The following PEAR1 variants were observed in gnomAD, a reference collection of about 807,000 sequenced individuals.
The protein encoded by PEAR1 is platelet endothelial aggregation receptor 1, also known as multiple EGF-like domains protein 12.
PEAR1 carries 113 observed loss-of-function variants against 131.2 expected under a neutral mutation model. That is an observed-to-expected ratio of 0.86 (90% CI 0.74 to 1.01). The LOEUF is 1.01. Ranked by LOEUF, PEAR1 falls within the 50% of genes least tolerant of loss-of-function variation. The pLI is 0.00. For missense variants in PEAR1, 1,408 were observed against 1,391.1 expected (o/e 1.01, Z -0.19); for synonymous variants, 565 against 523.3 (o/e 1.08, Z -1.09).
chr1:156,900,286 G>A (rs141619120), intron 1 of PEAR1, among the ~76,000 whole-genome samples: 2,616 of 151,868 alleles, frequency 0.017, 41 homozygotes, highest in Non-Finnish European at 0.026. Flanking sequence ...CAGTTCCCAC[G>A]CTTCTGATCA....
Position 156,908,672 on chromosome 1 carries a change from G to C in PEAR1, c.1133G>C (p.Gly378Ala), listed in dbSNP as rs1351499746. 2 of 1,530,690 alleles carry C rather than the reference G, an allele frequency of 1.3e-6. No homozygotes were observed. Among genetic ancestry groups the C allele is most frequent in the South Asian group, 1.2e-5 (1 of 83,608 alleles). 94.8% of individuals were successfully genotyped at this position (1,530,690 alleles called of 1,614,324 possible). A position where few individuals can be genotyped will look rare whatever the true frequency, so the allele number is the denominator to read the frequency against. Residue 378 changes from glycine (G) to alanine (A), a missense_variant, in exon 10 of 23, where the codon GGG becomes GCG. By Grantham distance (60) the Gly-to-Ala change is moderately conservative. Transcript: ENST00000292357. The surrounding 1 kb of genome is among the most constrained non-coding windows in gnomAD (Gnocchi z 4.2). ...EHSLSCHPMN[G>A]ECSCLPGWAG... Reference sequence around the variant, plus strand: ...GCCCCCAGCTGCCACCCGATGAACGGGGAGTGCTCCTGCCTGCCGGGCTGG... The same window carrying C: ...GCCCCCAGCTGCCACCCGATGAACGCGGAGTGCTCCTGCCTGCCGGGCTGG...
chr1:156,911,221 C>T (rs1402289313), intron 15 of PEAR1, among the ~76,000 whole-genome samples: 1 of 103,610 alleles, frequency 9.7e-6, no homozygotes, highest in Non-Finnish European at 2.0e-5. Flanking sequence ...TCTTTCTTTC[C>T]TTTCTTTCTT....
Position 156,909,803 on chromosome 1 carries a change from C to T in PEAR1, c.1464C>T (p.Phe488=), listed in dbSNP as rs775330301. 1.3e-5 allele frequency: 21 copies of T among 1,613,980 alleles called. No homozygotes were observed. The highest frequency in any genetic ancestry group is 1.7e-5 in the Non-Finnish European group (20 of 1,179,876). The change falls in exon 12 of 23, where the codon TTC becomes TTT. Residue 488 remains phenylalanine, a synonymous_variant. Transcript: ENST00000292357. ...CCTGCCCACCCGGAACCTGGGGCTTCAGTTGCAATGCCAGCTGCCAGTGTG... is the reference window on the plus strand; with the variant it reads ...CCTGCCCACCCGGAACCTGGGGCTTTAGTTGCAATGCCAGCTGCCAGTGTG... ...SVPCPPGTWG[F]SCNASCQCAH... is the part of the protein sequence containing the mutation.
Position 156,914,657 on chromosome 1 carries a change from T to G in PEAR1, c.2973T>G (p.Ser991=), listed in dbSNP as rs772016168. The G allele has an allele frequency of 1.2e-6, 2 of 1,611,848 alleles. No individual in the cohort carries two copies. The highest frequency in any genetic ancestry group is 1.7e-6 in the Non-Finnish European group (2 of 1,178,932). The stretch of plus-strand genomic sequence containing the variant: ...TCCTCATGTTTCCAGACCGAGACTC[T>G]GTGGGCTCCCAGCCCCCTCTGCCTC... ...QPSPLIHDRD[S]VGSQPPLPPG... The change falls in exon 23 of 23, where the codon TCT becomes TCG. Residue 991 remains serine, a synonymous_variant. Transcript: ENST00000292357.
intron 2 of PEAR1, 102 bp downstream of exon 2, chr1:156,904,129 T>G: frequency 3.3e-6 from 3 of 908,594 alleles, no homozygotes; most frequent in Non-Finnish European, 5.3e-6. Flanking sequence ...CTTAATCTCC[T>G]TCCTTCTCTC....
chr1:156,908,015 G>T lies in PEAR1; in HGVS notation c.866G>T (p.Gly289Val). ...GGCGGCCTCTGTGACCGATTCACTG[G>T]GCAGTGCCGCTGCGCTCCGGGTTAC... ...HNGGLCDRFT[G>V]QCRCAPGYTG... The change falls in exon 8 of 23, where the codon GGG (glycine) becomes GTG (valine). Residue 289 changes from glycine to valine, a missense_variant. Physicochemically the swap from Gly to Val is moderately radical, Grantham distance 109 (BLOSUM62 -3). Coordinates refer to ENST00000292357, the MANE Select transcript of PEAR1 (RefSeq NM_001080471.3). The surrounding 1 kb of genome is among the most constrained non-coding windows in gnomAD (Gnocchi z 4.2). 1.3e-6 allele frequency: 2 copies of T among 1,574,194 alleles called. No individual in the cohort carries two copies. Among genetic ancestry groups the T allele is most frequent in the South Asian group, 2.3e-5 (2 of 86,398 alleles).
At chr1:156,895,029 C>G (rs1278239524) in intron 1 of PEAR1, among the ~76,000 whole-genome samples, 1 of 152,222 alleles carries the variant, frequency 6.6e-6, no homozygotes, top group Non-Finnish European at 1.5e-5. Context: ...GTGTCTCCTC[C>G]CTGCTGTGTG....
In PEAR1 at chr1:156,908,256, G is replaced by A. The variant is rs369486776; in HGVS notation, c.1031G>A (p.Arg344His). Residue 344 changes from arginine (R) to histidine (H), a missense_variant, in exon 9 of 23, where the codon CGC becomes CAC. Coordinates refer to ENST00000292357, the MANE Select transcript of PEAR1 (RefSeq NM_001080471.3). This position sits in a 1 kb window ranked among gnomAD's most constrained non-coding sequence, Gnocchi z 4.2. ...CLCEHGFTGDRCTDRLCPDGF... is the reference protein window; with the variant it reads ...CLCEHGFTGDHCTDRLCPDGF... ...TGCGAACACGGCTTCACTGGGGACC[G>A]CTGCACGGATCGCCTCTGCCCCGAC... The A allele has an allele frequency of 6.9e-6, 11 of 1,595,666 alleles. No individual in the cohort carries two copies. The highest frequency in any genetic ancestry group is 5.1e-5 in the Admixed American group (3 of 58,728).
Position 156,904,735 on chromosome 1 carries a change from C to T in PEAR1, c.102-13C>T. 1 of 1,605,738 alleles carries T rather than the reference C, an allele frequency of 6.2e-7. No individual in the cohort carries two copies. ...TCCTGCCCTCGGCCCTGACCCTGTT[C>T]CCTGTCTTGCAGCTTCACTACCACC... On this transcript the variant is annotated splice_polypyrimidine_tract_variant and intron_variant, in intron 2 of 22. Transcript: ENST00000292357.
Position 156,912,944 on chromosome 1 carries a change from G to A in PEAR1, c.2384G>A (p.Ser795Asn). Residue 795 changes from serine (S) to asparagine (N), a missense_variant, in exon 18 of 23, where the codon AGC (serine) becomes AAC (asparagine). Coordinates refer to ENST00000292357, the MANE Select transcript of PEAR1 (RefSeq NM_001080471.3). ...CACCACCACCTGGCTGTGGCTTACAGCAGCGGGCGCCTGGACGGCTCCGAG... is the reference window on the plus strand; with the variant it reads ...CACCACCACCTGGCTGTGGCTTACAACAGCGGGCGCCTGGACGGCTCCGAG... ...KEHHHLAVAY[S>N]SGRLDGSEYV... is the part of the protein sequence containing the mutation. 1.9e-6 allele frequency: 3 copies of A among 1,614,244 alleles called. No individual in the cohort carries two copies. The highest frequency in any genetic ancestry group is 2.5e-6 in the Non-Finnish European group (3 of 1,180,046).
At chr1:156,904,115 C>T (rs1649968727) in intron 2 of PEAR1, 88 bp downstream of exon 2, 1 of 1,017,208 alleles carries the variant, frequency 9.8e-7, no homozygotes, top group Non-Finnish European at 1.5e-6. Context: ...TTTCTTGGTC[C>T]TTCCTTAATC....
chr1:156,910,704 T>C lies in PEAR1; in HGVS notation c.1912T>C (p.Tyr638His), dbSNP rs571353248. The C allele has an allele frequency of 9.9e-6, 16 of 1,613,858 alleles. No individual in the cohort carries two copies. The East Asian group carries it at 3.6e-4, about 36-fold the overall frequency. ...SFCHPSNGTC[Y>H]CLAGWTGPDC... ...CTGCCACCCCTCGAACGGGACCTGC[T>C]ACTGCCTGGCTGGCTGGACAGGCCC... Residue 638 changes from tyrosine (Y) to histidine (H), a missense_variant, in exon 15 of 23, where the codon TAC becomes CAC. Physicochemically the swap from Tyr to His is moderately conservative, Grantham distance 83. Coordinates refer to ENST00000292357, the MANE Select transcript of PEAR1 (RefSeq NM_001080471.3).
intron 1 of PEAR1, among the ~76,000 whole-genome samples, chr1:156,899,863 A>T (rs370014563): frequency 6.6e-6 from 1 of 152,040 alleles, no homozygotes; most frequent in African/African-American, 2.4e-5. Context: ...ATGCTACATG[A>T]CTTCCCAGAG....
chr1:156,912,248 A>G lies in PEAR1; in HGVS notation c.1953A>G (p.Pro651=). The G allele has an allele frequency of 6.2e-7, 1 of 1,611,500 alleles. No homozygotes were observed. Among genetic ancestry groups the G allele is most frequent in the Non-Finnish European group, 8.5e-7 (1 of 1,178,978 alleles). The stretch of plus-strand genomic sequence containing the variant: ...AGACAGGCCCCATGTCTCCCGTAGC[A>G]TGCCCTCCAGGACACTGGGGAGAAA... ...AGWTGPDCSQ[P]CPPGHWGENC... The change falls in exon 16 of 23, where the codon CCA becomes CCG. Residue 651 remains proline (P), a splice_region_variant and synonymous_variant. Transcript: ENST00000292357.
chr1:156,897,736 G>A (rs906534586), intron 1 of PEAR1, among the ~76,000 whole-genome samples: 7 of 152,250 alleles, frequency 4.6e-5, no homozygotes, highest in Non-Finnish European at 7.3e-5. Flanking sequence ...TCTTGGAAGC[G>A]GCTGGCCTTG....
chr1:156,899,040 G>C (rs1456942875), intron 1 of PEAR1, among the ~76,000 whole-genome samples: 1 of 152,176 alleles, frequency 6.6e-6, no homozygotes, highest in Non-Finnish European at 1.5e-5. Context: ...CACGGAGCAG[G>C]CTCTAGTCTG....
chr1:156,909,708 G>A, intron 11 of PEAR1, 43 bp from the exon 12 acceptor site: 3 of 1,555,104 alleles, frequency 1.9e-6, no homozygotes, highest in Non-Finnish European at 2.6e-6. Context: ...TGCTCAGGAA[G>A]GGAAATGGGT....
intron 1 of PEAR1, among the ~76,000 whole-genome samples, chr1:156,903,319 C>G (rs1570948181): frequency 1.3e-5 from 2 of 152,170 alleles, no homozygotes; most frequent in Non-Finnish European, 2.9e-5. Flanking sequence ...AGGGAACTCA[C>G]CACCTGAGGT....
At position 156,904,811 on chromosome 1, in the gene PEAR1, C is replaced by A; in HGVS notation, c.165C>A (p.Cys55Ter). ...TCAGCCTGCTCCCCTCAGAGCCCTG[C>A]GAGCGGCCCTGGGAGGGCCCCCATA... ...RPFSLLPSEPCERPWEGPHTC... is the reference protein window; with the variant it reads ...RPFSLLPSEP Residue 55 changes from cysteine to a stop codon, truncating the protein, a stop_gained, in exon 3 of 23, where the codon TGC (cysteine) becomes TGA (stop). Transcript: ENST00000292357. LOFTEE classifies it high-confidence loss of function. The A allele has an allele frequency of 6.2e-7, 1 of 1,613,868 alleles. No individual in the cohort carries two copies. Among genetic ancestry groups the A allele is most frequent in the Non-Finnish European group, 8.5e-7 (1 of 1,179,854 alleles).
Sources: allele counts gnomAD v4.1 joint callset (sites outside exome capture counted in the v4.1 genomes callset), GRCh38; gene constraint gnomAD v4.1.1; non-coding constraint Gnocchi (gnomAD v3.1); transcripts MANE v1.5; gene names NCBI Gene and HGNC (gene_info 2026-07-23, HGNC 2026-07-21).